Variants in ACACA observed in about 807,000 individuals in gnomAD.
The protein encoded by ACACA is acetyl-CoA carboxylase 1.
Under a neutral mutation model 296.1 loss-of-function variants are expected in ACACA, and 103 were observed. The observed-to-expected ratio is 0.35, with a 90% CI of 0.30 to 0.41. The LOEUF (loss-of-function observed/expected upper bound fraction) is 0.41. Ranked by LOEUF, ACACA falls within the 10% of genes least tolerant of loss-of-function variation. ACACA has a pLI of 1.00. For missense variants in ACACA, 1,554 were observed against 2,989.7 expected (o/e 0.52, Z 11.20); for synonymous variants, 953 against 1,038.6 (o/e 0.92, Z 1.58).
In ACACA at chr17:37,125,721, C is replaced by T; in HGVS notation, c.6018G>A (p.Gln2006=). The T allele has an allele frequency of 6.2e-7, 1 of 1,614,078 alleles. No individual in the cohort carries two copies. Among genetic ancestry groups the T allele is most frequent in the Non-Finnish European group, 8.5e-7 (1 of 1,179,970 alleles). The stretch of plus-strand genomic sequence containing the variant: ...ACCTGGCTCTACCAACCACCACAGT[C>T]TGTGCCCAGGGCTGCATAATCTCTG... ...SFSEIMQPWA[Q]TVVVGRARLG... is the part of the protein sequence containing the mutation. The change falls in exon 48 of 56, where the codon CAG becomes CAA. Residue 2006 remains glutamine, a synonymous_variant. Coordinates refer to ENST00000616317, the MANE Select transcript of ACACA (RefSeq NM_198834.3).
intron 17 of ACACA, among the ~76,000 whole-genome samples, 169 bp from the exon 18 acceptor site, chr17:37,248,325 G>T (rs2080816036): frequency 6.6e-6 from 1 of 152,222 alleles, no homozygotes. Context: ...CCTGCTGTAA[G>T]CAAAGAGGGC....
intron 47 of ACACA, among the ~76,000 whole-genome samples, chr17:37,128,008 G>C (rs1326459901): frequency 1.3e-5 from 1 of 79,382 alleles, no homozygotes; most frequent in Non-Finnish European, 2.2e-5. Context: ...TGGAGGACAA[G>C]AGTGAAACTC....
Position 37,188,379 on chromosome 17 carries a change from T to C in ACACA, c.4674A>G (p.Pro1558=). ...GGCGGATGGGAATTGCTTTTCCAGT[T>C]GGCGTCAGGCGAATGTTGATTTTCA... is the stretch of plus-strand genomic sequence containing the variant. ...AELKINIRLT[P]TGKAIPIRLF... is the part of the protein sequence containing the mutation. Residue 1558 remains proline, a synonymous_variant, in exon 39 of 56, where the codon CCA becomes CCG. Coordinates refer to ENST00000616317, the MANE Select transcript of ACACA (RefSeq NM_198834.3). The C allele has an allele frequency of 6.2e-7, 1 of 1,614,172 alleles. No individual in the cohort carries two copies. The highest frequency in any genetic ancestry group is 8.5e-7 in the Non-Finnish European group (1 of 1,180,018).
chr17:37,373,625 A>G (rs944173566), intron 1 of ACACA, among the ~76,000 whole-genome samples: 1 of 152,176 alleles, frequency 6.6e-6, no homozygotes, highest in African/African-American at 2.4e-5. Context: ...CTTAGACTTC[A>G]TCTTTCGCCA....
intron 45 of ACACA, among the ~76,000 whole-genome samples, chr17:37,148,653 G>A (rs958458009): frequency 6.6e-6 from 1 of 152,188 alleles, no homozygotes; most frequent in Admixed American, 6.5e-5. Context: ...AACTCCATAA[G>A]CTCAATCACC....
At chr17:37,364,368 C>A (rs188549548) in intron 1 of ACACA, among the ~76,000 whole-genome samples, 1 of 151,786 alleles carries the variant, frequency 6.6e-6, no homozygotes, top group South Asian at 2.1e-4. Context: ...CCAAGACGGG[C>A]GGATCACCTG....
intron 1 of ACACA, among the ~76,000 whole-genome samples, chr17:37,404,176 A>G (rs183687340): frequency 6.6e-6 from 1 of 152,366 alleles, no homozygotes; most frequent in Admixed American, 6.5e-5. Context: ...GACAATCATG[A>G]CATCCAGATC....
In ACACA at chr17:37,113,768, C is replaced by G. The variant is rs2074099762; in HGVS notation, c.6275-503G>C. On this transcript the variant is annotated intron_variant, in intron 50 of 55. Transcript: ENST00000616317. This position sits in a 1 kb window ranked among gnomAD's most constrained non-coding sequence, Gnocchi z 4.0. ...TTTATCTTCAAAAACTATTTTTCAT[C>G]TTGGTATCCCGATATCCCTGCCCAG... Among the ~76,000 whole-genome samples, 1 of 152,136 alleles carries G rather than the reference C, an allele frequency of 6.6e-6. No homozygotes were observed. Among genetic ancestry groups the G allele is most frequent in the African/African-American group, 2.4e-5 (1 of 41,422 alleles).
chr17:37,085,998 C>T lies in ACACA; in HGVS notation c.*1318G>A. ...TCAGTAAGTTCTTTTCTTGAATAAA[C>T]TAGTTGTTGAAAGTAAACTCTCTCC... On this transcript the variant is annotated 3_prime_UTR_variant, in exon 56 of 56. Coordinates refer to ENST00000616317, the MANE Select transcript of ACACA (RefSeq NM_198834.3). The T allele has an allele frequency of 2.5e-6, 1 of 394,166 alleles. No individual in the cohort carries two copies. Among genetic ancestry groups the T allele is most frequent in the Non-Finnish European group, 4.5e-6 (1 of 223,512 alleles). 24.4% of individuals were successfully genotyped at this position (394,166 alleles called of 1,614,324 possible).
chr17:37,372,232 T>G (rs2049833316), intron 1 of ACACA, among the ~76,000 whole-genome samples: 1 of 151,764 alleles, frequency 6.6e-6, no homozygotes, highest in Non-Finnish European at 1.5e-5. Flanking sequence ...GCTAACACGG[T>G]GAAACCCCAT....
In ACACA at chr17:37,207,789, GAGA is replaced by G. The variant is rs772691264; in HGVS notation, c.3716_3718del (p.Phe1239del). On this transcript the variant is annotated inframe_deletion, in exon 31 of 56. Coordinates refer to ENST00000616317, the MANE Select transcript of ACACA (RefSeq NM_198834.3). Reference sequence around the variant, plus strand: ...CATGCCATAGTGGTTGAGGTTGGAGGAGAAGGACATTCTAAATGGTAATTCAAT... The same window carrying G: ...CATGCCATAGTGGTTGAGGTTGGAGGAGGACATTCTAAATGGTAATTCAAT... The G allele has an allele frequency of 1.9e-6, 3 of 1,613,952 alleles. No homozygotes were observed. The highest frequency in any genetic ancestry group is 1.3e-5 in the African/African-American group (1 of 75,032).
chr17:37,246,591 C>T (rs958680483), intron 19 of ACACA, among the ~76,000 whole-genome samples: 7 of 152,098 alleles, frequency 4.6e-5, no homozygotes, highest in South Asian at 2.1e-4. Flanking sequence ...TGCCACTGTA[C>T]GCCGCTAATT....
At chr17:37,388,502 TCA>T (rs10544835) in intron 1 of ACACA, among the ~76,000 whole-genome samples, 36,257 of 151,928 alleles carry the variant, frequency 0.24, 4,421 homozygotes, top group Middle Eastern at 0.37. Flanking sequence ...CAGCTCACCC[TCA>T]CACCCCCTCC....
Position 37,226,466 on chromosome 17 carries a change from T to G in ACACA, c.3247-14A>C, listed in dbSNP as rs1567844907. ...ACACAACTGATCCTAATTGTTAATG[T>G]AAAAAAGAACATAGATAGTCATATT... is the stretch of plus-strand genomic sequence containing the variant. On this transcript the variant is annotated splice_polypyrimidine_tract_variant and intron_variant, in intron 25 of 55. Transcript: ENST00000616317. The G allele has an allele frequency of 1.9e-6, 3 of 1,595,100 alleles. No homozygotes were observed. Among genetic ancestry groups the G allele is most frequent in the Non-Finnish European group, 2.6e-6 (3 of 1,162,738 alleles).
intron 3 of ACACA, among the ~76,000 whole-genome samples, chr17:37,326,206 C>CAA (rs773519168): frequency 0.031 from 1,910 of 61,784 alleles, 66 homozygotes; most frequent in African/African-American, 0.094. Context: ...AAGACTGTCT[C>CAA]AAAAAAAAAA....
intron 5 of ACACA, among the ~76,000 whole-genome samples, chr17:37,280,163 G>A (rs1330829259): frequency 6.6e-6 from 1 of 151,892 alleles, no homozygotes; most frequent in African/African-American, 2.4e-5. Flanking sequence ...AGTTTTGTAA[G>A]TTAAAAAAAA....
intron 3 of ACACA, among the ~76,000 whole-genome samples, chr17:37,309,414 G>A (rs1382006405): frequency 6.6e-6 from 1 of 152,062 alleles, no homozygotes; most frequent in Non-Finnish European, 1.5e-5. Context: ...CTGTGCTCAT[G>A]TTACAGTATA....
chr17:37,406,541 G>T lies in ACACA; in HGVS notation c.-242C>A, dbSNP rs1387154661. On this transcript the variant is annotated 5_prime_UTR_variant, in exon 1 of 56. Coordinates refer to ENST00000616317, the MANE Select transcript of ACACA (RefSeq NM_198834.3). The stretch of plus-strand genomic sequence containing the variant: ...TTTCCCTTGCTGCAACAGGGGTGGA[G>T]ATGGGAACGTTATCCCCAAACCCAG... 1 of 608,264 alleles carries T rather than the reference G, an allele frequency of 1.6e-6. No individual in the cohort carries two copies. The highest frequency in any genetic ancestry group is 2.9e-6 in the Non-Finnish European group (1 of 342,388). 37.7% of individuals were successfully genotyped at this position (608,264 alleles called of 1,614,324 possible). A position where few individuals can be genotyped will look rare whatever the true frequency, so the allele number is the denominator to read the frequency against.
chr17:37,218,268 G>A (rs545860720), intron 29 of ACACA, among the ~76,000 whole-genome samples: 2 of 151,938 alleles, frequency 1.3e-5, no homozygotes, highest in South Asian at 2.1e-4. Context: ...CTTGAAATAC[G>A]GCTAGTTTAT....
Sources: gnomAD v4.1 joint callset for allele counts (sites outside exome capture counted in the v4.1 genomes callset) on GRCh38, gnomAD v4.1.1 for gene constraint, Gnocchi (gnomAD v3.1) non-coding constraint, MANE v1.5 for transcripts, NCBI Gene and HGNC (gene_info 2026-07-23, HGNC 2026-07-21) for gene names.